The following GLG1 variants were observed in gnomAD, a reference collection of about 807,000 sequenced individuals.
GLG1 encodes golgi glycoprotein 1.
GLG1 carries 38 observed loss-of-function variants against 160.5 expected under a neutral mutation model. The observed-to-expected ratio is 0.24, with a 90% confidence interval of 0.18 to 0.31. The LOEUF is 0.31. GLG1 is among the 10% of genes least tolerant of loss of function. The pLI, the probability that GLG1 is intolerant of heterozygous loss-of-function variation, is 1.00. For synonymous variants in GLG1, 644 were observed against 543.4 expected (o/e 1.19, Z -2.57); for missense variants, 1,373 against 1,505.2 (o/e 0.91, Z 1.45).
intron 9 of GLG1, 61 bp downstream of exon 9, chr16:74,485,735 T>C (rs980571106): frequency 2.0e-6 from 3 of 1,489,276 alleles, no homozygotes; most frequent in East Asian, 2.3e-5. Flanking sequence ...TTTGAAGGAA[T>C]GTTCCCTGTG....
intron 1 of GLG1, among the ~76,000 whole-genome samples, chr16:74,553,663 C>CG (rs761517987): frequency 1.2e-4 from 18 of 152,000 alleles, no homozygotes; most frequent in Non-Finnish European, 2.1e-4. Context: ...TTAGTAGAGA[C>CG]GGGGTTTCAC....
At chr16:74,468,022 G>A in intron 17 of GLG1, 174 bp from the exon 18 acceptor site, 1 of 569,478 alleles carries the variant, frequency 1.8e-6, no homozygotes. Flanking sequence ...CCAAATAGCT[G>A]CATGGCCTTG....
intron 1 of GLG1, among the ~76,000 whole-genome samples, chr16:74,580,957 A>G (rs1470947404): frequency 6.6e-6 from 1 of 152,206 alleles, no homozygotes; most frequent in Non-Finnish European, 1.5e-5. Flanking sequence ...TGGGCAACAG[A>G]GCGAGACTAC....
intron 1 of GLG1, among the ~76,000 whole-genome samples, chr16:74,533,589 T>C (rs2017606084): frequency 1.3e-5 from 2 of 151,768 alleles, no homozygotes; most frequent in African/African-American, 4.8e-5. Context: ...AAGACTAGCC[T>C]GGCCAACATG....
At chr16:74,533,674 A>AG (rs1345336340) in intron 1 of GLG1, among the ~76,000 whole-genome samples, 6 of 152,128 alleles carry the variant, frequency 3.9e-5, no homozygotes, top group Non-Finnish European at 7.4e-5. Flanking sequence ...CCACCTACTC[A>AG]GGAGGCTGAA....
intron 1 of GLG1, 48 bp downstream of exon 1, chr16:74,606,609 C>G (rs1278609926): frequency 3.4e-6 from 5 of 1,480,670 alleles, no homozygotes; most frequent in African/African-American, 1.4e-5. Flanking sequence ...GCAACACCCT[C>G]GGGCCCGCAC....
At chr16:74,467,381 G>A (rs767083773) in intron 18 of GLG1, among the ~76,000 whole-genome samples, 2 of 152,210 alleles carry the variant, frequency 1.3e-5, no homozygotes, top group African/African-American at 2.4e-5. Flanking sequence ...GTGACGTCTA[G>A]TTAAGAACTT....
chr16:74,565,360 G>A (rs2018626283), intron 1 of GLG1, among the ~76,000 whole-genome samples: 1 of 152,112 alleles, frequency 6.6e-6, no homozygotes, highest in Admixed American at 6.6e-5. Context: ...AAAACTGAGA[G>A]GTTGACCAAA....
rs1035209450 is a variant in GLG1 at position 74,556,814 on chromosome 16, C to T, written c.439-24661G>A. 1.3e-4 allele frequency among the ~76,000 whole-genome samples: 20 copies of T among 150,258 alleles called. No homozygotes were observed. The East Asian group carries it at 3.9e-3, about 29-fold the overall frequency. On this transcript the variant is annotated intron_variant, in intron 1 of 25. Coordinates refer to ENST00000422840, the MANE Select transcript of GLG1 (RefSeq NM_001145667.2). ...AATATTATTATTACAACCTAATAGT[C>T]TTTAGCCAATGAGTAAGAGAATAGC...
In GLG1 at chr16:74,598,577, ATT is replaced by A. The variant is rs59763290; in HGVS notation, c.438+8078_438+8079del. On this transcript the variant is annotated intron_variant, in intron 1 of 25. Transcript: ENST00000422840. ...TAATTTACATGATAGCCTATAAGCC[ATT>A]TTAACTGCTGCTTTTAAAAATATAT... Among the ~76,000 whole-genome samples the A allele has an allele frequency of 7.8e-3, 1,156 of 148,906 alleles. 19 individuals are homozygous for A. Among genetic ancestry groups the A allele is most frequent in the African/African-American group, 0.027 (1,113 of 40,628 alleles).
chr16:74,564,396 C>T (rs1488025403), intron 1 of GLG1, among the ~76,000 whole-genome samples: 4 of 152,186 alleles, frequency 2.6e-5, no homozygotes. Context: ...AAGGAGCATA[C>T]TCCAAACTCT....
chr16:74,467,914 G>A (rs2015057762), intron 17 of GLG1, 66 bp from the exon 18 acceptor site: 1 of 1,062,030 alleles, frequency 9.4e-7, no homozygotes, highest in East Asian at 2.4e-5. Flanking sequence ...ATGTTCTGGA[G>A]ACTTATTTGT....
At position 74,503,705 on chromosome 16, in the gene GLG1, C is replaced by G. The variant is rs778253245; in HGVS notation, c.600G>C (p.Met200Ile). Residue 200 changes from methionine (M) to isoleucine (I), a missense_variant, in exon 4 of 26, where the codon ATG becomes ATC. This residue lies in a region of GLG1 where 174 missense variants were observed against 229.9 expected (regional missense o/e 0.76). Transcript: ENST00000422840. Reference sequence around the variant, plus strand: ...CTCGGTGATCCACCAAGCAGGAAACCATGTAACCTTTTCCAACCGGTTCAT... The same window carrying G: ...CTCGGTGATCCACCAAGCAGGAAACGATGTAACCTTTTCCAACCGGTTCAT... ...CADEPVGKGY[M>I]VSCLVDHRGN... The G allele has an allele frequency of 6.2e-7, 1 of 1,613,292 alleles. No individual in the cohort carries two copies. The highest frequency in any genetic ancestry group is 8.5e-7 in the Non-Finnish European group (1 of 1,179,312).
intron 1 of GLG1, among the ~76,000 whole-genome samples, chr16:74,578,088 C>A (rs1957855615): frequency 6.6e-6 from 1 of 152,134 alleles, no homozygotes; most frequent in South Asian, 2.1e-4. Flanking sequence ...GAGTAAGACA[C>A]AATTTTGGTT....
chr16:74,547,764 T>G (rs1424869865), intron 1 of GLG1, among the ~76,000 whole-genome samples: 8 of 152,256 alleles, frequency 5.3e-5, no homozygotes, highest in African/African-American at 1.9e-4. Context: ...AATCACCAAC[T>G]CACAACGTTG....
chr16:74,455,098 C>T (rs530035483), intron 25 of GLG1, among the ~76,000 whole-genome samples: 6 of 152,148 alleles, frequency 3.9e-5, no homozygotes, highest in Non-Finnish European at 5.9e-5. Context: ...ATTTAACCGC[C>T]CTCCACTTGT....
chr16:74,473,745 C>G (rs1358708809), intron 13 of GLG1, among the ~76,000 whole-genome samples: 1 of 151,978 alleles, frequency 6.6e-6, no homozygotes, highest in Non-Finnish European at 1.5e-5. Context: ...GGCCTCTAAT[C>G]CCATTTTTAA....
rs143052636 is a variant in GLG1, at chr16:74,480,511, C to T, written c.1674-117G>A. The T allele has an allele frequency of 6.0e-4, 377 of 633,280 alleles. 1 individual carries two copies. Among genetic ancestry groups the T allele is most frequent in the Admixed American group, 1.7e-3 (55 of 31,874 alleles). 39.2% of individuals were successfully genotyped at this position (633,280 alleles called of 1,614,324 possible). ...ACTCATTGATAATCACTTCCAGGGG[C>T]GTGGAGACAGAAGATATGTAAAAGT... On this transcript the variant is annotated intron_variant, in intron 10 of 25. Coordinates refer to ENST00000422840, the MANE Select transcript of GLG1 (RefSeq NM_001145667.2).
intron 6 of GLG1, among the ~76,000 whole-genome samples, chr16:74,494,263 A>T (rs1437152100): frequency 6.6e-6 from 1 of 151,966 alleles, no homozygotes; most frequent in African/African-American, 2.4e-5. Flanking sequence ...TAGATATCAC[A>T]ATCAGGGTTT....
Sources: allele counts gnomAD v4.1 joint callset (sites outside exome capture counted in the v4.1 genomes callset), GRCh38; gene constraint gnomAD v4.1.1; regional missense constraint gnomAD v4.1.1; transcripts MANE v1.5; gene names NCBI Gene and HGNC (gene_info 2026-07-23, HGNC 2026-07-21).